DPP10: variants seen among roughly 807,000 people sequenced by gnomAD.
DPP10 encodes the protein dipeptidyl peptidase like 10, also known as inactive dipeptidyl peptidase 10.
In DPP10, 33 loss-of-function variants were observed where a neutral mutation model predicts 120.9. That is an observed-to-expected ratio of 0.27 (90% confidence interval 0.21 to 0.37). The LOEUF is 0.37. Among genes scored for constraint, DPP10 ranks in the 10% least tolerant of loss-of-function variants. The probability of loss-of-function intolerance (pLI) is 1.00; values close to 1 mark genes in which losing one functional copy is unlikely to be tolerated. For synonymous variants in DPP10, 337 were observed against 326.1 expected (o/e 1.03, Z -0.36); for missense variants, 816 against 942.8 (o/e 0.87, Z 1.76).
At chr2:115,462,094 C>T (rs915825075) in intron 3 of DPP10, among the ~76,000 whole-genome samples, 1 of 152,112 alleles carries the variant, frequency 6.6e-6, no homozygotes, top group African/African-American at 2.4e-5. Flanking sequence ...TTAACATGTT[C>T]AAAATTGAAC....
intron 1 of DPP10, among the ~76,000 whole-genome samples, chr2:115,068,855 C>T (rs1243644452): frequency 3.3e-5 from 5 of 152,086 alleles, no homozygotes; most frequent in African/African-American, 9.7e-5. Context: ...TCATCTTTGT[C>T]GAAGATCTGT....
chr2:115,349,761 G>A (rs1483147660), intron 3 of DPP10, among the ~76,000 whole-genome samples: 3 of 152,086 alleles, frequency 2.0e-5, no homozygotes, highest in South Asian at 4.1e-4. Context: ...TTTCTTGCTT[G>A]TTTGTTTGAC....
chr2:115,173,288 G>A (rs980858064), intron 1 of DPP10, among the ~76,000 whole-genome samples: 1 of 152,078 alleles, frequency 6.6e-6, no homozygotes, highest in African/African-American at 2.4e-5. Flanking sequence ...TAGCTGCTTG[G>A]ACTCAGAAAT....
chr2:114,978,748 G>A (rs1043018989), intron 1 of DPP10, among the ~76,000 whole-genome samples: 9 of 151,984 alleles, frequency 5.9e-5, no homozygotes, highest in African/African-American at 9.7e-5. Context: ...TTTTAATATA[G>A]GTATATATCC....
At chr2:115,434,516 A>T (rs1255472329) in intron 3 of DPP10, among the ~76,000 whole-genome samples, 2 of 151,598 alleles carry the variant, frequency 1.3e-5, no homozygotes, top group Non-Finnish European at 3.0e-5. Flanking sequence ...GCACTGACAA[A>T]CTCTTCTTTT....
At chr2:114,942,840 A>G (rs1697062429) in intron 1 of DPP10, among the ~76,000 whole-genome samples, 1 of 152,168 alleles carries the variant, frequency 6.6e-6, no homozygotes. Flanking sequence ...AAAAATTAGG[A>G]AGATAACTGA....
chr2:114,769,117 G>A (rs1681013801), intron 1 of DPP10, among the ~76,000 whole-genome samples: 1 of 152,152 alleles, frequency 6.6e-6, no homozygotes, highest in Non-Finnish European at 1.5e-5. Context: ...ACGGAATTAA[G>A]AAATACAGTT....
In DPP10 at chr2:115,316,264, C is replaced by T. The variant is rs181483387; in HGVS notation, c.175+6911C>T. Among the ~76,000 whole-genome samples, 281 of 152,296 alleles carry T rather than the reference C, an allele frequency of 1.8e-3. 1 individual carries two copies. The highest frequency in any genetic ancestry group is 3.7e-3 in the Admixed American group (56 of 15,288). ...TGACTAATTTCACACAACTAGAAGG[C>T]AGAGATGCTCGATCACTCTCTCAGG... On this transcript the variant is annotated intron_variant, in intron 2 of 25. Coordinates refer to ENST00000410059, the MANE Select transcript of DPP10 (RefSeq NM_020868.6).
chr2:114,635,855 T>C (rs908023528), intron 1 of DPP10, among the ~76,000 whole-genome samples: 2 of 151,962 alleles, frequency 1.3e-5, no homozygotes, highest in South Asian at 2.1e-4. Context: ...ATAAGTAGCA[T>C]AGTTTTTTAA....
chr2:114,560,458 C>A (rs1295699277), intron 1 of DPP10, among the ~76,000 whole-genome samples: 2 of 152,132 alleles, frequency 1.3e-5, no homozygotes, highest in Admixed American at 6.5e-5. Flanking sequence ...GCCACAGAAA[C>A]CAAAGATTTG....
At chr2:115,167,538 T>C (rs2052983077) in intron 1 of DPP10, among the ~76,000 whole-genome samples, 3 of 140,156 alleles carry the variant, frequency 2.1e-5, no homozygotes, top group South Asian at 2.2e-4. Flanking sequence ...ACCTGGGAGG[T>C]CAAGACCACA....
rs537887948 is a variant in DPP10, at chr2:115,457,496, T to A, written c.272-42014T>A. ...AAGATCTTATATCTAAAATGTATTT[T>A]AAAAAATCAAAACAAATCAGGCGAG... On this transcript the variant is annotated intron_variant, in intron 3 of 25. Coordinates refer to ENST00000410059, the MANE Select transcript of DPP10 (RefSeq NM_020868.6). Among the ~76,000 whole-genome samples, 4 of 152,214 alleles carry A rather than the reference T, an allele frequency of 2.6e-5. No homozygotes were observed. In the South Asian group the frequency reaches 6.2e-4, roughly 24 times the overall value.
At chr2:115,513,946 G>T (rs1350788866) in intron 4 of DPP10, among the ~76,000 whole-genome samples, 1 of 151,898 alleles carries the variant, frequency 6.6e-6, no homozygotes, top group Non-Finnish European at 1.5e-5. Context: ...CTTAGAGCGG[G>T]GCTAAAAGTA....
intron 3 of DPP10, among the ~76,000 whole-genome samples, chr2:115,382,249 A>G (rs1296208646): frequency 1.3e-5 from 2 of 152,280 alleles, no homozygotes; most frequent in African/African-American, 4.8e-5. Context: ...TGTGCGGGAT[A>G]TAATCTCCTG....
intron 1 of DPP10, among the ~76,000 whole-genome samples, chr2:114,476,688 A>G (rs1680403048): frequency 6.6e-6 from 1 of 152,088 alleles, no homozygotes. Flanking sequence ...GTGGGGAGCT[A>G]CTCTGTGGGA....
At chr2:115,524,895 C>T (rs941136588) in intron 4 of DPP10, among the ~76,000 whole-genome samples, 5 of 152,036 alleles carry the variant, frequency 3.3e-5, no homozygotes, top group Non-Finnish European at 7.4e-5. Context: ...TTTATTATAC[C>T]ACCCAAACTT....
chr2:115,763,273 T>G (rs1489434350), intron 12 of DPP10, among the ~76,000 whole-genome samples: 1 of 152,186 alleles, frequency 6.6e-6, no homozygotes, highest in Admixed American at 6.6e-5. Flanking sequence ...TATTTTATAT[T>G]ACGTCTATGG....
At chr2:114,565,155 G>T (rs1430766618) in intron 1 of DPP10, among the ~76,000 whole-genome samples, 3 of 152,154 alleles carry the variant, frequency 2.0e-5, no homozygotes, top group Non-Finnish European at 4.4e-5. Flanking sequence ...AATCCTGGCT[G>T]TGTTCCTGTT....
At chr2:115,119,524 G>A (rs2049712935) in intron 1 of DPP10, among the ~76,000 whole-genome samples, 1 of 152,166 alleles carries the variant, frequency 6.6e-6, no homozygotes, top group African/African-American at 2.4e-5. Flanking sequence ...CTGCCCTCAA[G>A]AGTACAAGAC....
Sources: gnomAD v4.1 joint callset for allele counts (sites outside exome capture counted in the v4.1 genomes callset) on GRCh38, gnomAD v4.1.1 for gene constraint, MANE v1.5 for transcripts, NCBI Gene and HGNC (gene_info 2026-07-23, HGNC 2026-07-21) for gene names.